EDIL3: variants seen among roughly 807,000 people sequenced by gnomAD.
EDIL3 encodes the protein EGF-like repeat and discoidin I-like domain-containing protein 3.
In EDIL3, 37 loss-of-function variants were observed where a neutral mutation model predicts 67.4. That is an observed-to-expected ratio of 0.55 (90% CI 0.42 to 0.72). The LOEUF is 0.72. Ranked by LOEUF, EDIL3 falls within the 30% of genes least tolerant of loss-of-function variation. The probability of loss-of-function intolerance (pLI) is 0.00; values close to 1 mark genes in which losing one functional copy is unlikely to be tolerated. For synonymous variants in EDIL3, 195 were observed against 196.3 expected (o/e 0.99, Z 0.05); for missense variants, 527 against 586.3 (o/e 0.90, Z 1.04).
intron 9 of EDIL3, 113 bp from the exon 10 acceptor site, chr5:83,963,473 T>C: frequency 8.4e-7 from 1 of 1,191,330 alleles, no homozygotes; most frequent in South Asian, 1.9e-5. Flanking sequence ...AAAATCTGTC[T>C]AGTTATTTGT....
intron 1 of EDIL3, among the ~76,000 whole-genome samples, chr5:84,345,740 G>T (rs962480396): frequency 1.3e-5 from 2 of 152,070 alleles, no homozygotes; most frequent in East Asian, 3.8e-4. Flanking sequence ...TTTTTAAAAG[G>T]TCTAGAAAAT....
intron 9 of EDIL3, among the ~76,000 whole-genome samples, chr5:83,965,235 C>T (rs527723982): frequency 2.0e-5 from 3 of 152,184 alleles, no homozygotes; most frequent in East Asian, 1.9e-4. Flanking sequence ...TCACCACACT[C>T]GTCAAACTGA....
intron 2 of EDIL3, among the ~76,000 whole-genome samples, chr5:84,231,145 A>T (rs1744569105): frequency 6.6e-6 from 1 of 152,212 alleles, no homozygotes; most frequent in African/African-American, 2.4e-5. Flanking sequence ...ACTGTAACTC[A>T]TACAAGTGTG....
intron 1 of EDIL3, among the ~76,000 whole-genome samples, chr5:84,374,968 C>CTT (rs58157149): frequency 2.4e-4 from 34 of 141,778 alleles, no homozygotes; most frequent in South Asian, 6.8e-4. Flanking sequence ...TCGGGTATTT[C>CTT]TTTTTTTTTT....
intron 6 of EDIL3, among the ~76,000 whole-genome samples, chr5:84,087,509 C>A (rs928601080): frequency 6.6e-6 from 1 of 152,206 alleles, no homozygotes; most frequent in African/African-American, 2.4e-5. Context: ...TTTATTAATG[C>A]ATTCAAATAT....
At chr5:84,310,424 T>C (rs1294421269) in intron 1 of EDIL3, among the ~76,000 whole-genome samples, 1 of 152,190 alleles carries the variant, frequency 6.6e-6, no homozygotes, top group Non-Finnish European at 1.5e-5. Flanking sequence ...GAACAGTATG[T>C]TCCTTTTCCT....
intron 1 of EDIL3, among the ~76,000 whole-genome samples, chr5:84,381,260 T>C (rs1748070344): frequency 6.6e-6 from 1 of 152,150 alleles, no homozygotes; most frequent in South Asian, 2.1e-4. Context: ...GTGTGTTGTA[T>C]CACCACAGTG....
At chr5:84,331,254 G>A (rs112652778) in intron 1 of EDIL3, among the ~76,000 whole-genome samples, 433 of 152,266 alleles carry the variant, frequency 2.8e-3, no homozygotes, top group African/African-American at 0.01. Flanking sequence ...TTGGGAGACT[G>A]TTGGGAAGGC....
At chr5:84,080,115 C>CAAAA (rs10566347) in intron 6 of EDIL3, among the ~76,000 whole-genome samples, 25 of 52,960 alleles carry the variant, frequency 4.7e-4, no homozygotes, top group East Asian at 5.2e-4. Context: ...ACTAAAAATA[C>CAAAA]AAAAAAAAAA....
intron 5 of EDIL3, among the ~76,000 whole-genome samples, chr5:84,129,399 T>C (rs1380643121): frequency 6.6e-6 from 1 of 152,104 alleles, no homozygotes; most frequent in African/African-American, 2.4e-5. Flanking sequence ...TTTGTAAATG[T>C]ATCTCTATAT....
chr5:84,027,087 C>T (rs2112198233), intron 9 of EDIL3, among the ~76,000 whole-genome samples: 1 of 152,098 alleles, frequency 6.6e-6, no homozygotes, highest in Admixed American at 6.6e-5. Context: ...GGGCTGAGAC[C>T]CTGTCTCAAT....
In EDIL3 at chr5:84,327,045, T is replaced by C. The variant is rs142880166; in HGVS notation, c.67+57263A>G. ...GCATTGTGATGCTTTCATATATGTA[T>C]ACATTGTGAAACGATTACTACAATC... On this transcript the variant is annotated intron_variant, in intron 1 of 10. Transcript: ENST00000296591. Among the ~76,000 whole-genome samples, 1,015 of 152,102 alleles carry C rather than the reference T, an allele frequency of 6.7e-3. 6 individuals carry two copies. The highest frequency in any genetic ancestry group is 0.023 in the African/African-American group (942 of 41,534).
At chr5:84,092,366 A>G (rs1747182155) in intron 6 of EDIL3, among the ~76,000 whole-genome samples, 1 of 152,240 alleles carries the variant, frequency 6.6e-6, no homozygotes, top group Non-Finnish European at 1.5e-5. Context: ...TAAATATAAT[A>G]GCGAAATTAG....
rs183883477 is a variant in EDIL3, at chr5:84,090,488, G to T, written c.651+16161C>A. ...TAACCAATATCAAAATTCGCTGGGG[G>T]TATCTGCCCGTTATGTGTTCCCCTG... is the stretch of plus-strand genomic sequence containing the variant. On this transcript the variant is annotated intron_variant, in intron 6 of 10. Transcript: ENST00000296591. Among the ~76,000 whole-genome samples the T allele has an allele frequency of 3.2e-3, 489 of 152,164 alleles. 4 individuals carry two copies. Among genetic ancestry groups the T allele is most frequent in the African/African-American group, 0.011 (463 of 41,526 alleles).
chr5:84,220,028 T>C (rs1427611409), intron 3 of EDIL3, among the ~76,000 whole-genome samples: 1 of 152,030 alleles, frequency 6.6e-6, no homozygotes, highest in African/African-American at 2.4e-5. Context: ...ATAGAATGAA[T>C]AAGATCTAAA....
chr5:84,318,747 G>A (rs1414410946), intron 1 of EDIL3, among the ~76,000 whole-genome samples: 1 of 152,120 alleles, frequency 6.6e-6, no homozygotes, highest in Non-Finnish European at 1.5e-5. Context: ...ATAGGCATGG[G>A]CAAAGACTTC....
At chr5:84,071,425 G>C (rs1746739056) in intron 6 of EDIL3, among the ~76,000 whole-genome samples, 1 of 152,206 alleles carries the variant, frequency 6.6e-6, no homozygotes, top group African/African-American at 2.4e-5. Context: ...AACAGATTCA[G>C]ACTTTAAAAT....
chr5:84,291,845 A>T (rs1323024266), intron 1 of EDIL3, among the ~76,000 whole-genome samples: 1 of 149,872 alleles, frequency 6.7e-6, no homozygotes, highest in African/African-American at 2.4e-5. Context: ...ATATATATAT[A>T]CCTACAGGCC....
chr5:84,308,762 A>C (rs1051733378), intron 1 of EDIL3, among the ~76,000 whole-genome samples: 1 of 152,202 alleles, frequency 6.6e-6, no homozygotes, highest in Non-Finnish European at 1.5e-5. Flanking sequence ...AAATAATATC[A>C]TTTGTATAAA....
Sources: allele counts gnomAD v4.1 joint callset (sites outside exome capture counted in the v4.1 genomes callset), GRCh38; gene constraint gnomAD v4.1.1; transcripts MANE v1.5; gene names NCBI Gene and HGNC (gene_info 2026-07-23, HGNC 2026-07-21).